Variants in KITLG observed in about 807,000 individuals in gnomAD.
The protein encoded by KITLG is KIT ligand, also known as c-Kit ligand.
KITLG carries 13 observed loss-of-function variants against 34.1 expected under a neutral mutation model. The ratio of observed to expected loss-of-function variants is 0.38; its 90% CI spans 0.25 to 0.61. The LOEUF (loss-of-function observed/expected upper bound fraction) is 0.61. Ranked by LOEUF, KITLG falls within the 20% of genes least tolerant of loss-of-function variation. The probability of loss-of-function intolerance (pLI) is 0.60; values close to 1 mark genes in which losing one functional copy is unlikely to be tolerated. For missense variants in KITLG, 292 were observed against 318.9 expected, an observed-to-expected ratio of 0.92 and a Z score of 0.64; for synonymous variants, 110 against 104.0, an observed-to-expected ratio of 1.06 and a Z score of -0.35.
intron 6 of KITLG, among the ~76,000 whole-genome samples, chr12:88,511,626 C>A (rs1869280605): frequency 6.6e-6 from 1 of 151,814 alleles, no homozygotes; most frequent in South Asian, 2.1e-4. Flanking sequence ...TGTATATGCA[C>A]CAGTAGAGAA....
intron 2 of KITLG, among the ~76,000 whole-genome samples, chr12:88,538,667 G>C (rs1870414041): frequency 6.6e-6 from 1 of 152,178 alleles, no homozygotes; most frequent in South Asian, 2.1e-4. Context: ...ACCAGGTCTA[G>C]AGTCCAGGGA....
chr12:88,559,877 G>C (rs1871240394), intron 1 of KITLG, among the ~76,000 whole-genome samples: 1 of 152,170 alleles, frequency 6.6e-6, no homozygotes, highest in African/African-American at 2.4e-5. Flanking sequence ...ACATGCCTGA[G>C]ACACATTTCT....
At chr12:88,520,910 C>G (rs1375365391) in intron 3 of KITLG, among the ~76,000 whole-genome samples, 1 of 152,134 alleles carries the variant, frequency 6.6e-6, no homozygotes, top group Non-Finnish European at 1.5e-5. Context: ...AATTTCCAAC[C>G]CCAATCCTGT....
chr12:88,553,519 T>C (rs1870994241), intron 1 of KITLG, among the ~76,000 whole-genome samples: 1 of 152,216 alleles, frequency 6.6e-6, no homozygotes, highest in South Asian at 2.1e-4. Flanking sequence ...TGTACAACTT[T>C]TCTCTCTAGG....
chr12:88,505,049 A>G, intron 9 of KITLG, 110 bp downstream of exon 9: 1 of 600,592 alleles, frequency 1.7e-6, no homozygotes, highest in South Asian at 1.8e-5. Context: ...CAGCACACCA[A>G]CATGGCACAT....
chr12:88,499,557 C>T (rs544385307), intron 9 of KITLG, among the ~76,000 whole-genome samples: 9 of 152,164 alleles, frequency 5.9e-5, no homozygotes, highest in Non-Finnish European at 1.3e-4. Context: ...TCTCAAATTG[C>T]AAATCATTCT....
At chr12:88,505,735 A>C (rs944002011) in intron 8 of KITLG, among the ~76,000 whole-genome samples, 3 of 152,206 alleles carry the variant, frequency 2.0e-5, no homozygotes, top group Admixed American at 6.5e-5. Flanking sequence ...GTAAAATAAA[A>C]GATATATAAA....
chr12:88,519,675 T>A (rs1424095202), intron 3 of KITLG, among the ~76,000 whole-genome samples: 3 of 152,128 alleles, frequency 2.0e-5, no homozygotes, highest in Non-Finnish European at 2.9e-5. Context: ...TGGGCTGTAG[T>A]GCAGGGGTGC....
At chr12:88,578,854 T>C (rs746820375) in intron 1 of KITLG, among the ~76,000 whole-genome samples, 2 of 152,246 alleles carry the variant, frequency 1.3e-5, no homozygotes, top group Admixed American at 6.5e-5. Flanking sequence ...AGAAAGCTTG[T>C]CTAAATCAAG....
intron 1 of KITLG, among the ~76,000 whole-genome samples, chr12:88,558,579 G>A (rs1871179617): frequency 1.3e-5 from 2 of 152,216 alleles, no homozygotes; most frequent in Admixed American, 1.3e-4. Flanking sequence ...GGAATAAACT[G>A]TTAAAATGTT....
chr12:88,500,628 T>A (rs2120785260), intron 9 of KITLG, among the ~76,000 whole-genome samples: 1 of 152,350 alleles, frequency 6.6e-6, no homozygotes, highest in East Asian at 1.9e-4. Context: ...TATTTATCTA[T>A]CTTAATCTTT....
At chr12:88,500,348 A>G (rs980123485) in intron 9 of KITLG, among the ~76,000 whole-genome samples, 1 of 152,250 alleles carries the variant, frequency 6.6e-6, no homozygotes, top group East Asian at 1.9e-4. Flanking sequence ...TGTTGAATTC[A>G]CAACTTGTAT....
intron 2 of KITLG, among the ~76,000 whole-genome samples, chr12:88,533,065 A>T (rs1870160606): frequency 6.6e-6 from 1 of 152,070 alleles, no homozygotes; most frequent in East Asian, 1.9e-4. Flanking sequence ...TGAAACTTCA[A>T]AAAAACAATG....
intron 3 of KITLG, among the ~76,000 whole-genome samples, chr12:88,528,852 AATT>A (rs1235969835): frequency 1.3e-5 from 2 of 152,340 alleles, no homozygotes. Context: ...GTAAATTTAA[AATT>A]ATTTGCAAAT....
chr12:88,552,739 G>A (rs972383536), intron 1 of KITLG, among the ~76,000 whole-genome samples: 2 of 151,360 alleles, frequency 1.3e-5, no homozygotes, highest in African/African-American at 4.9e-5. Context: ...TTTAAACAAA[G>A]GTTTCCAAGG....
intron 9 of KITLG, 114 bp downstream of exon 9, chr12:88,505,045 A>C: frequency 1.7e-6 from 1 of 586,472 alleles, no homozygotes; most frequent in South Asian, 1.8e-5. Context: ...GGTGCAGCAC[A>C]CCAACATGGC....
chr12:88,540,637 C>T (rs1225613236), intron 2 of KITLG, among the ~76,000 whole-genome samples: 1 of 151,718 alleles, frequency 6.6e-6, no homozygotes, highest in African/African-American at 2.4e-5. Flanking sequence ...CACATCTCTA[C>T]AAAAGATAAA....
intron 4 of KITLG, among the ~76,000 whole-genome samples, chr12:88,516,817 A>C (rs1415998878): frequency 6.8e-6 from 1 of 146,926 alleles, no homozygotes; most frequent in Non-Finnish European, 1.5e-5. Flanking sequence ...AGACCCCTCC[A>C]TTACAAGAAC....
At chr12:88,543,175 A>G (rs1013381514) in intron 2 of KITLG, among the ~76,000 whole-genome samples, 3 of 152,128 alleles carry the variant, frequency 2.0e-5, no homozygotes, top group Non-Finnish European at 2.9e-5. Flanking sequence ...GGTTTGTTAC[A>G]TAGGTATACA....
Sources: allele counts gnomAD v4.1 joint callset (sites outside exome capture counted in the v4.1 genomes callset), GRCh38; gene constraint gnomAD v4.1.1; transcripts MANE v1.5; gene names NCBI Gene and HGNC (gene_info 2026-07-23, HGNC 2026-07-21).